Variants in TALDO1 observed in about 807,000 individuals in gnomAD.
TALDO1 encodes transaldolase 1.
Under a neutral mutation model 38.1 loss-of-function variants are expected in TALDO1, and 29 were observed. The ratio of observed to expected loss-of-function variants is 0.76; its 90% CI spans 0.57 to 1.04. The LOEUF is 1.04. Among genes scored for constraint, TALDO1 ranks in the 50% least tolerant of loss-of-function variants. The pLI, the probability that TALDO1 is intolerant of heterozygous loss-of-function variation, is 0.00. For synonymous variants in TALDO1, 207 were observed against 176.8 expected (o/e 1.17, Z -1.36); for missense variants, 499 against 438.1 (o/e 1.14, Z -1.24).
chr11:760,625 T>C (rs755803387), intron 4 of TALDO1: 5 of 279,410 alleles, frequency 1.8e-5, no homozygotes, highest in Non-Finnish European at 3.5e-5. Flanking sequence ...AAATATATGC[T>C]GGCTGGGCAA....
intron 1 of TALDO1, 93 bp from the exon 2 acceptor site, chr11:755,786 C>A (rs909434878): frequency 8.8e-5 from 140 of 1,599,450 alleles, no homozygotes; most frequent in Non-Finnish European, 1.2e-4. Flanking sequence ...CTGGACTCCC[C>A]TAACGTCCTG....
At chr11:754,239 C>T (rs1255618799) in intron 1 of TALDO1, among the ~76,000 whole-genome samples, 1 of 152,074 alleles carries the variant, frequency 6.6e-6, no homozygotes, top group Non-Finnish European at 1.5e-5. Context: ...CCCCCGTTGG[C>T]CTCCCAAAGT....
intron 1 of TALDO1, among the ~76,000 whole-genome samples, chr11:754,070 C>T (rs1297977891): frequency 1.3e-5 from 2 of 152,094 alleles, no homozygotes; most frequent in African/African-American, 4.8e-5. Context: ...CTGCAACCTC[C>T]ACCTCCCGGG....
At position 755,980 on chromosome 11, in the gene TALDO1, GC is replaced by G. The variant is rs762805572; in HGVS notation, c.201del (p.Tyr68MetfsTer29). 1 of 1,613,582 alleles carries G rather than the reference GC, an allele frequency of 6.2e-7. No homozygotes were observed. Among genetic ancestry groups the G allele is most frequent in the Non-Finnish European group, 8.5e-7 (1 of 1,179,866 alleles). On this transcript the variant is annotated frameshift_variant, in exon 2 of 8. Transcript: ENST00000319006. LOFTEE classifies it high-confidence loss of function. ...AYQELVEEAI[A>X]YGRKLGGSQE... is the part of the protein sequence containing the mutation. ...CCAGGAGCTGGTGGAGGAGGCGATT[GC>G]CTATGGCCGGAAGCTGGGCGGGTGA...
At chr11:758,508 A>C (rs1862879445) in intron 2 of TALDO1, among the ~76,000 whole-genome samples, 1 of 152,184 alleles carries the variant, frequency 6.6e-6, no homozygotes, top group East Asian at 1.9e-4. Flanking sequence ...ACAATAAAAA[A>C]ATGTTTTAAG....
At chr11:752,083 T>C (rs927833062) in intron 1 of TALDO1, among the ~76,000 whole-genome samples, 1 of 151,970 alleles carries the variant, frequency 6.6e-6, no homozygotes, top group Non-Finnish European at 1.5e-5. Flanking sequence ...CTTTTCTTTT[T>C]TTTTGGAGGC....
rs562450355 is a variant in TALDO1 at position 760,801 on chromosome 11, G to A, written c.461+548G>A. 7.0e-4 allele frequency: 111 copies of A among 157,898 alleles called. No homozygotes were observed. The Middle Eastern group carries it at 0.02, about 28-fold the overall frequency. The allele number at this position is 157,898 out of a possible 1,614,324, so 9.8% of individuals were successfully genotyped here. A position where few individuals can be genotyped will look rare whatever the true frequency, so the allele number is the denominator to read the frequency against. ...GTGGCTCCCAGCACTTTGGGAGGCC[G>A]AGGCGTGGGGATCACGAGGTCAGGA... On this transcript the variant is annotated intron_variant, in intron 4 of 7. Coordinates refer to ENST00000319006, the MANE Select transcript of TALDO1 (RefSeq NM_006755.2).
intron 4 of TALDO1, among the ~76,000 whole-genome samples, chr11:761,724 G>A (rs975692058): frequency 1.1e-4 from 16 of 152,182 alleles, no homozygotes; most frequent in African/African-American, 3.6e-4. Flanking sequence ...TTTCACCACG[G>A]CTGGAGTGCA....
At chr11:762,994 T>C (rs1407478063) in intron 4 of TALDO1, among the ~76,000 whole-genome samples, 1 of 152,180 alleles carries the variant, frequency 6.6e-6, no homozygotes, top group Non-Finnish European at 1.5e-5. Context: ...AGGGCCTCCC[T>C]TGCCTTTGTC....
At chr11:763,603 C>A in intron 5 of TALDO1, 84 bp downstream of exon 5, 2 of 1,588,456 alleles carry the variant, frequency 1.3e-6, no homozygotes, top group Non-Finnish European at 1.7e-6. Flanking sequence ...GGAGCTGCCG[C>A]ATCAACAAGC....
intron 7 of TALDO1, 127 bp from the exon 8 acceptor site, chr11:764,686 T>G (rs1337711717): frequency 6.7e-7 from 1 of 1,483,730 alleles, no homozygotes; most frequent in African/African-American, 1.4e-5. Flanking sequence ...GGCCACCCTG[T>G]GGCCGTGGCC....
chr11:755,669 T>C, intron 1 of TALDO1: 1 of 645,352 alleles, frequency 1.5e-6, no homozygotes, highest in Non-Finnish European at 2.7e-6. Context: ...GCTGGGCACT[T>C]AGTGTTTGTT....
intron 1 of TALDO1, among the ~76,000 whole-genome samples, chr11:748,344 G>A (rs112948624): frequency 0.011 from 1,634 of 152,308 alleles, 19 homozygotes; most frequent in African/African-American, 0.028. Context: ...GAAAGCACAG[G>A]GTTGGTACAC....
chr11:753,987 T>G (rs1271504673), intron 1 of TALDO1, among the ~76,000 whole-genome samples: 2 of 151,758 alleles, frequency 1.3e-5, no homozygotes, highest in African/African-American at 4.9e-5. Flanking sequence ...AGAAAAAAAC[T>G]TTTTTATTTT....
chr11:758,316 G>A (rs1173640128), intron 2 of TALDO1, among the ~76,000 whole-genome samples: 1 of 151,980 alleles, frequency 6.6e-6, no homozygotes, highest in African/African-American at 2.4e-5. Context: ...GTATAGAGGT[G>A]TGCAGCTGTA....
intron 1 of TALDO1, chr11:752,147 GCA>G (rs1479875120): frequency 6.6e-6 from 1 of 151,910 alleles, no homozygotes; most frequent in East Asian, 1.9e-4. Context: ...TCAGCTCACT[GCA>G]AGCTCCACCT....
chr11:763,308 T>G, intron 4 of TALDO1, 36 bp from the exon 5 acceptor site: 1 of 420,598 alleles, frequency 2.4e-6, no homozygotes, highest in Non-Finnish European at 3.5e-6. Context: ...GTCCCCGCCC[T>G]CACCTGCCCC....
intron 1 of TALDO1, among the ~76,000 whole-genome samples, chr11:755,557 G>A (rs562626929): frequency 2.2e-4 from 34 of 152,162 alleles, no homozygotes; most frequent in Non-Finnish European, 4.3e-4. Flanking sequence ...GTGGTGGTAC[G>A]GCAGTGGGAT....
At chr11:758,224 G>C (rs1862871622) in intron 2 of TALDO1, among the ~76,000 whole-genome samples, 1 of 152,138 alleles carries the variant, frequency 6.6e-6, no homozygotes, top group Non-Finnish European at 1.5e-5. Context: ...GGCAGAGCTG[G>C]CAGAGCCGAG....
Sources: gnomAD v4.1 joint callset for allele counts (sites outside exome capture counted in the v4.1 genomes callset) on GRCh38, gnomAD v4.1.1 for gene constraint, MANE v1.5 for transcripts, NCBI Gene and HGNC (gene_info 2026-07-23, HGNC 2026-07-21) for gene names.